The following ITGA9 variants were observed in gnomAD, a reference collection of about 807,000 sequenced individuals.
The protein encoded by ITGA9 is integrin subunit alpha 9, also known as integrin alpha-9.
Under a neutral mutation model 127.8 loss-of-function variants are expected in ITGA9, and 56 were observed. That is an observed-to-expected ratio of 0.44 (90% CI 0.35 to 0.55). The LOEUF (loss-of-function observed/expected upper bound fraction) is 0.55, where lower values mean the gene tolerates loss of function less well. Among genes scored for constraint, ITGA9 ranks in the 20% least tolerant of loss-of-function variants. The pLI, the probability that ITGA9 is intolerant of heterozygous loss-of-function variation, is 0.00. For missense variants in ITGA9, 1,196 were observed against 1,347.1 expected, an observed-to-expected ratio of 0.89 and a Z score of 1.76; for synonymous variants, 508 against 514.5, an observed-to-expected ratio of 0.99 and a Z score of 0.17.
intron 1 of ITGA9, among the ~76,000 whole-genome samples, chr3:37,468,390 G>C (rs1345010926): frequency 4.6e-5 from 7 of 152,066 alleles, no homozygotes; most frequent in Non-Finnish European, 8.8e-5. Context: ...GTTGAGCTCA[G>C]GGCAGTGGGA....
chr3:37,738,453 G>A (rs536961630), intron 20 of ITGA9, among the ~76,000 whole-genome samples: 19 of 152,302 alleles, frequency 1.2e-4, no homozygotes, highest in East Asian at 5.8e-4. Flanking sequence ...GTGGGAATGG[G>A]GCTGAAAGAG....
At chr3:37,609,849 C>T (rs1330497736) in intron 15 of ITGA9, among the ~76,000 whole-genome samples, 1 of 152,126 alleles carries the variant, frequency 6.6e-6, no homozygotes, top group Non-Finnish European at 1.5e-5. Flanking sequence ...GGCCTGAGAC[C>T]CCCAGCATTC....
chr3:37,753,093 A>T (rs1696609506), intron 23 of ITGA9, among the ~76,000 whole-genome samples: 1 of 152,234 alleles, frequency 6.6e-6, no homozygotes, highest in Admixed American at 6.5e-5. Context: ...GAAACAGGTC[A>T]CTGTGGACCT....
At chr3:37,474,277 A>T (rs2125554927) in intron 3 of ITGA9, among the ~76,000 whole-genome samples, 1 of 152,320 alleles carries the variant, frequency 6.6e-6, no homozygotes, top group South Asian at 2.1e-4. Flanking sequence ...ACTTAAATTT[A>T]TCCAAATTAA....
chr3:37,634,082 C>T (rs1288333301), intron 16 of ITGA9, among the ~76,000 whole-genome samples: 3 of 151,626 alleles, frequency 2.0e-5, no homozygotes, highest in Non-Finnish European at 4.4e-5. Context: ...AAGGCAAAAA[C>T]CTATAGTAAT....
chr3:37,509,832 A>G (rs75425697), intron 8 of ITGA9, among the ~76,000 whole-genome samples: 8,261 of 152,194 alleles, frequency 0.054, 275 homozygotes, highest in East Asian at 0.094. Context: ...AAGTTAGAAA[A>G]GAAATAACTC....
At chr3:37,673,632 C>G (rs1342632929) in intron 17 of ITGA9, among the ~76,000 whole-genome samples, 1 of 152,196 alleles carries the variant, frequency 6.6e-6, no homozygotes, top group Admixed American at 6.5e-5. Context: ...TTTTCCTTAT[C>G]TTACCTTGTT....
At chr3:37,692,408 AGAGAGTGTGT>A (rs765637144) in intron 18 of ITGA9, among the ~76,000 whole-genome samples, 6 of 137,704 alleles carry the variant, frequency 4.4e-5, no homozygotes, top group Non-Finnish European at 6.0e-5. Context: ...TGAGAGAGAG[AGAGAGTGTGT>A]GTGTGTGTGT....
intron 17 of ITGA9, among the ~76,000 whole-genome samples, chr3:37,655,807 T>G (rs1700472375): frequency 6.6e-6 from 1 of 152,212 alleles, no homozygotes; most frequent in African/African-American, 2.4e-5. Context: ...GGTTTTCTTC[T>G]AGAGTTTTTA....
intron 18 of ITGA9, among the ~76,000 whole-genome samples, chr3:37,721,720 A>G (rs896303454): frequency 6.6e-6 from 1 of 151,906 alleles, no homozygotes; most frequent in African/African-American, 2.4e-5. Flanking sequence ...TTGCCAGCCC[A>G]TTGTCTGCAT....
intron 18 of ITGA9, among the ~76,000 whole-genome samples, chr3:37,695,669 G>T (rs1700877806): frequency 6.6e-6 from 1 of 152,214 alleles, no homozygotes; most frequent in South Asian, 2.1e-4. Context: ...ATGTGTGGTG[G>T]CCTCTGGCAT....
At chr3:37,649,394 A>G (rs1266747836) in intron 16 of ITGA9, among the ~76,000 whole-genome samples, 3 of 152,220 alleles carry the variant, frequency 2.0e-5, no homozygotes, top group Non-Finnish European at 4.4e-5. Context: ...AAGGTAGTCC[A>G]TGCAAATACC....
At chr3:37,801,035 T>C (rs1697229621) in intron 26 of ITGA9, among the ~76,000 whole-genome samples, 1 of 152,110 alleles carries the variant, frequency 6.6e-6, no homozygotes, top group African/African-American at 2.4e-5. Context: ...TGTGGTGGCA[T>C]GCGCCTGTAA....
chr3:37,708,979 G>A (rs1352023276), intron 18 of ITGA9, among the ~76,000 whole-genome samples: 25 of 151,608 alleles, frequency 1.6e-4, no homozygotes, highest in Non-Finnish European at 1.2e-4. Context: ...TCCCATCCCA[G>A]CACCACTTAA....
At chr3:37,580,048 A>G (rs1172965084) in intron 15 of ITGA9, among the ~76,000 whole-genome samples, 1 of 152,254 alleles carries the variant, frequency 6.6e-6, no homozygotes, top group African/African-American at 2.4e-5. Flanking sequence ...AATTAGCAGT[A>G]TGGTACATAT....
At chr3:37,621,650 A>G (rs1700130014) in intron 15 of ITGA9, among the ~76,000 whole-genome samples, 1 of 152,214 alleles carries the variant, frequency 6.6e-6, no homozygotes, top group Non-Finnish European at 1.5e-5. Context: ...TGAAGAGAAA[A>G]AAGCATCAGT....
At chr3:37,752,977 C>T (rs1696606978) in intron 23 of ITGA9, among the ~76,000 whole-genome samples, 1 of 152,188 alleles carries the variant, frequency 6.6e-6, no homozygotes, top group Admixed American at 6.5e-5. Context: ...ACCTTAAAAA[C>T]AGAGCCACGG....
chr3:37,487,057 G>A (rs939931836), intron 4 of ITGA9, among the ~76,000 whole-genome samples: 1 of 152,054 alleles, frequency 6.6e-6, no homozygotes, highest in Admixed American at 6.6e-5. Flanking sequence ...ATTTACAAAT[G>A]AAAAGGAATT....
At chr3:37,622,244 G>C (rs1483641650) in intron 15 of ITGA9, among the ~76,000 whole-genome samples, 1 of 150,644 alleles carries the variant, frequency 6.6e-6, no homozygotes, top group Non-Finnish European at 1.5e-5. Flanking sequence ...CCCGCCACCA[G>C]GCCTGGCTAA....
Sources: allele counts gnomAD v4.1 joint callset (sites outside exome capture counted in the v4.1 genomes callset), GRCh38; gene constraint gnomAD v4.1.1; transcripts MANE v1.5; gene names NCBI Gene and HGNC (gene_info 2026-07-23, HGNC 2026-07-21).